The following CRYBA4 variants were observed in gnomAD, a reference collection of about 807,000 sequenced individuals.
CRYBA4 encodes beta-crystallin A4.
In CRYBA4, 30 loss-of-function variants were observed where a neutral mutation model predicts 31.7. That is an observed-to-expected ratio of 0.95 (90% CI 0.71 to 1.28). The LOEUF is 1.28. CRYBA4 is among the 50% of genes most tolerant of loss of function. CRYBA4 has a pLI of 0.00. For synonymous variants in CRYBA4, 102 were observed against 102.3 expected (o/e 1.00, Z 0.02); for missense variants, 225 against 260.7 (o/e 0.86, Z 0.94).
At chr22:26,608,111 A>T in the CRYBA4 span, 1 of 1,604,270 alleles carries the variant, frequency 6.2e-7, no homozygotes, top group Non-Finnish European at 8.5e-7. Context: ...TCCCCTGGCA[A>T]GGCAGCCCTG....
At chr22:26,600,757 C>T in the CRYBA4 span, among the ~76,000 whole-genome samples, 37 of 152,332 alleles carry the variant, frequency 2.4e-4, no homozygotes, top group African/African-American at 8.4e-4. Context: ...CTGCCAGACC[C>T]CCTCCCTATA....
At chr22:26,597,105 T>A in the CRYBA4 span, among the ~76,000 whole-genome samples, 1 of 152,166 alleles carries the variant, frequency 6.6e-6, no homozygotes, top group Non-Finnish European at 1.5e-5. Context: ...CTGTCCAAGA[T>A]TATGTGAGGT....
chr22:26,598,208 T>C, the CRYBA4 span, among the ~76,000 whole-genome samples: 1 of 152,124 alleles, frequency 6.6e-6, no homozygotes, highest in Non-Finnish European at 1.5e-5. Flanking sequence ...CAACACTGGC[T>C]AATCTCCCAT....
At chr22:26,623,458 T>C (rs1211691036) in intron 3 of CRYBA4, 106 bp downstream of exon 3, 3 of 872,462 alleles carry the variant, frequency 3.4e-6, no homozygotes, top group Non-Finnish European at 3.8e-6. Context: ...CCTAGGCTCT[T>C]ACTGTTGTGC....
At chr22:26,624,719 T>C (rs960798116) in intron 3 of CRYBA4, among the ~76,000 whole-genome samples, 2 of 152,228 alleles carry the variant, frequency 1.3e-5, no homozygotes, top group South Asian at 4.1e-4. Flanking sequence ...TTATTACTTA[T>C]ACAGACAGTA....
At chr22:26,606,530 C>T in the CRYBA4 span, among the ~76,000 whole-genome samples, 1 of 152,220 alleles carries the variant, frequency 6.6e-6, no homozygotes, top group East Asian at 1.9e-4. Context: ...CCTGGTTGAT[C>T]ACTCTTCCAA....
At chr22:26,621,124 G>A (rs1309414640), upstream of CRYBA4, among the ~76,000 whole-genome samples, 1 of 152,098 alleles carries the variant, frequency 6.6e-6, no homozygotes, top group Non-Finnish European at 1.5e-5. Context: ...GCAGGGTTTC[G>A]GGACAAGAGG....
At chr22:26,623,415 G>A in intron 3 of CRYBA4, 63 bp downstream of exon 3, 1 of 1,329,540 alleles carries the variant, frequency 7.5e-7, no homozygotes, top group Non-Finnish European at 1.1e-6. Context: ...AGAGACGGGT[G>A]CTAGGACTTT....
chr22:26,625,751 C>A, intron 4 of CRYBA4, 129 bp downstream of exon 4: 1 of 873,458 alleles, frequency 1.1e-6, no homozygotes. Flanking sequence ...TGTTCAGTCT[C>A]TTTCCTCTCC....
the CRYBA4 span, chr22:26,612,194 C>T: frequency 1.2e-6 from 2 of 1,605,568 alleles, no homozygotes; most frequent in South Asian, 1.1e-5. Context: ...CCACCAGCTG[C>T]AGGAGAGAAG....
chr22:26,591,602 A>G, the CRYBA4 span, among the ~76,000 whole-genome samples: 2 of 137,600 alleles, frequency 1.5e-5, no homozygotes, highest in African/African-American at 2.7e-5. Context: ...TTAGCTGGGC[A>G]TGGTGGTGCA....
At chr22:26,612,000 G>T in the CRYBA4 span, 1 of 1,121,042 alleles carries the variant, frequency 8.9e-7, no homozygotes, top group Non-Finnish European at 1.4e-6. Context: ...AGATGCTGGA[G>T]AAATGGCAGC....
the CRYBA4 span, chr22:26,607,805 C>T: frequency 1.3e-6 from 2 of 1,596,980 alleles, no homozygotes; most frequent in Non-Finnish European, 1.7e-6. Flanking sequence ...CCATCATCTC[C>T]TTCTTGCCCT....
chr22:26,611,765 C>T, the CRYBA4 span, among the ~76,000 whole-genome samples: 53 of 152,270 alleles, frequency 3.5e-4, no homozygotes, highest in Non-Finnish European at 1.5e-4. Context: ...TGAGCCACCG[C>T]GCCCGGCCGG....
At chr22:26,597,268 A>G in the CRYBA4 span, among the ~76,000 whole-genome samples, 3 of 152,176 alleles carry the variant, frequency 2.0e-5, no homozygotes, top group African/African-American at 7.2e-5. Flanking sequence ...CCACCTCAAT[A>G]AGCTTCACCG....
At chr22:26,595,624 G>A in the CRYBA4 span, among the ~76,000 whole-genome samples, 1 of 150,650 alleles carries the variant, frequency 6.6e-6, no homozygotes, top group Non-Finnish European at 1.5e-5. Context: ...TGATCCAGAA[G>A]ACCTGGACTC....
the CRYBA4 span, among the ~76,000 whole-genome samples, chr22:26,592,547 A>T: frequency 6.6e-6 from 1 of 152,234 alleles, no homozygotes; most frequent in South Asian, 2.1e-4. Context: ...GCAGGAAGGA[A>T]GCGAGCCTGG....
intron 1 of CRYBA4, 141 bp from the exon 2 acceptor site, chr22:26,622,444 A>C (rs1602337642): frequency 1.4e-6 from 1 of 723,966 alleles, no homozygotes; most frequent in Non-Finnish European, 2.5e-6. Context: ...GGAGAGGGAC[A>C]GGCCAAAGCC....
intron 3 of CRYBA4, among the ~76,000 whole-genome samples, chr22:26,624,730 A>C (rs991976939): frequency 5.3e-5 from 8 of 152,224 alleles, no homozygotes; most frequent in African/African-American, 1.9e-4. Flanking sequence ...ACAGACAGTA[A>C]AGGCAAGGTG....
Sources: gnomAD v4.1 joint callset for allele counts (sites outside exome capture counted in the v4.1 genomes callset) on GRCh38, gnomAD v4.1.1 for gene constraint, MANE v1.5 for transcripts, NCBI Gene and HGNC (gene_info 2026-07-23, HGNC 2026-07-21) for gene names.